Variants in ANKRD35 observed in about 807,000 individuals in gnomAD.
The protein encoded by ANKRD35 is ankyrin repeat domain 35.
Under a neutral mutation model 109.9 loss-of-function variants are expected in ANKRD35, and 102 were observed. The ratio of observed to expected loss-of-function variants is 0.93; its 90% CI spans 0.79 to 1.09. The LOEUF (loss-of-function observed/expected upper bound fraction) is 1.09, where lower values mean the gene tolerates loss of function less well. ANKRD35 is among the 50% of genes least tolerant of loss of function. ANKRD35 has a pLI of 0.00. For missense variants in ANKRD35, 1,240 were observed against 1,230.1 expected (o/e 1.01, Z -0.12); for synonymous variants, 515 against 512.4 (o/e 1.01, Z -0.07).
chr1:145,884,187 A>G (rs1654397948), intron 1 of ANKRD35, among the ~76,000 whole-genome samples: 2 of 152,234 alleles, frequency 1.3e-5, no homozygotes, highest in African/African-American at 4.8e-5. Context: ...TACTTTCAGT[A>G]ACTAAGGAAG....
Position 145,873,139 on chromosome 1 carries a change from C to T in ANKRD35, c.1630G>A (p.Val544Met). ...TTTGCCCATTCCAGCCTTGCCAGCA[C>T]CCGCTCCAGTCGGGCTTCCATCTTC... ...WEKMEARLERVLARLEWAKAG... is the reference protein window; with the variant it reads ...WEKMEARLERMLARLEWAKAG... The change falls in exon 10 of 14, where the codon GTG becomes ATG. Residue 544 changes from valine (V) to methionine (M), a missense_variant. Physicochemically the swap from Val to Met is conservative, Grantham distance 21. Coordinates refer to ENST00000355594, the MANE Select transcript of ANKRD35 (RefSeq NM_144698.5). 1 of 1,614,100 alleles carries T rather than the reference C, an allele frequency of 6.2e-7. No homozygotes were observed. Among genetic ancestry groups the T allele is most frequent in the Non-Finnish European group, 8.5e-7 (1 of 1,180,030 alleles).
chr1:145,872,231 A>G lies in ANKRD35; in HGVS notation c.2538T>C (p.Ala846=). ...EKTRGSLVAQ[A]QAWGQELKAL... Reference sequence around the variant, plus strand: ...CCTTTAGCTCCTGGCCCCAAGCCTGAGCCTGGGCCACCAGCGAACCCCGAG... The same window carrying G: ...CCTTTAGCTCCTGGCCCCAAGCCTGGGCCTGGGCCACCAGCGAACCCCGAG... The change falls in exon 10 of 14, where the codon GCT becomes GCC. Residue 846 remains alanine (A), a synonymous_variant. Coordinates refer to ENST00000355594, the MANE Select transcript of ANKRD35 (RefSeq NM_144698.5). The G allele has an allele frequency of 6.2e-7, 1 of 1,610,938 alleles. No individual in the cohort carries two copies. Among genetic ancestry groups the G allele is most frequent in the Non-Finnish European group, 8.5e-7 (1 of 1,178,704 alleles).
Position 145,875,003 on chromosome 1 carries a change from C to T in ANKRD35, c.564G>A (p.Ser188=), listed in dbSNP as rs782062602. 2.3e-5 allele frequency: 36 copies of T among 1,597,856 alleles called. No homozygotes were observed. The highest frequency in any genetic ancestry group is 1.5e-4 in the South Asian group (13 of 88,648). Residue 188 remains serine (S), a synonymous_variant, in exon 8 of 14, where the codon TCG becomes TCA. Coordinates refer to ENST00000355594, the MANE Select transcript of ANKRD35 (RefSeq NM_144698.5). ...RVNVTDKNDK[S]ALILACEKGS... ...CTTTCTCACAGGCCAGGATCAAAGC[C>T]GATCTGTGGGTTGAGACAAATCTGA...
At position 145,874,008 on chromosome 1, in the gene ANKRD35, A is replaced by G. The variant is rs1553739590; in HGVS notation, c.784-23T>C. The G allele has an allele frequency of 5.0e-6, 8 of 1,612,522 alleles. No homozygotes were observed. In the South Asian group the frequency reaches 8.8e-5, roughly 18 times the overall value. On this transcript the variant is annotated intron_variant, in intron 9 of 13. Coordinates refer to ENST00000355594, the MANE Select transcript of ANKRD35 (RefSeq NM_144698.5). ...GGCCTATGTTGGAAACAGAATAGTA[A>G]AGTGTGGCCACTAGGCAACGAACTG...
chr1:145,878,693 AG>A (rs1390097485), intron 2 of ANKRD35, among the ~76,000 whole-genome samples: 1 of 152,224 alleles, frequency 6.6e-6, no homozygotes, highest in Non-Finnish European at 1.5e-5. Flanking sequence ...TAAGAGCTAC[AG>A]GTCTCAAGGA....
chr1:145,874,718 G>A (rs1269390396), intron 8 of ANKRD35, 104 bp downstream of exon 8: 7 of 1,317,576 alleles, frequency 5.3e-6, no homozygotes, highest in Non-Finnish European at 7.1e-6. Flanking sequence ...TCTCAACCCA[G>A]GTGACAATTA....
chr1:145,876,251 A>G lies in ANKRD35; in HGVS notation c.454-5T>C, dbSNP rs1553740077. 1 of 1,609,314 alleles carries G rather than the reference A, an allele frequency of 6.2e-7. No individual in the cohort carries two copies. The highest frequency in any genetic ancestry group is 2.2e-5 in the East Asian group (1 of 44,726). On this transcript the variant is annotated splice_polypyrimidine_tract_variant and splice_region_variant and intron_variant, in intron 6 of 13. Transcript: ENST00000355594. ...CATCAGGGGTGTACGTCCATCCTGC[A>G]CAGATTGTAGGAAGAGGTTCATGAG...
At position 145,872,239 on chromosome 1, in the gene ANKRD35, C is replaced by G. The variant is rs1190092595; in HGVS notation, c.2530G>C (p.Ala844Pro). The stretch of plus-strand genomic sequence containing the variant: ...TCCTGGCCCCAAGCCTGAGCCTGGG[C>G]CACCAGCGAACCCCGAGTTTTCTCG... ...QHEKTRGSLV[A>P]QAQAWGQELK... Residue 844 changes from alanine (A) to proline (P), a missense_variant, in exon 10 of 14, where the codon GCC becomes CCC. Coordinates refer to ENST00000355594, the MANE Select transcript of ANKRD35 (RefSeq NM_144698.5). The G allele has an allele frequency of 1.9e-6, 3 of 1,610,988 alleles. No homozygotes were observed. The highest frequency in any genetic ancestry group is 2.5e-6 in the Non-Finnish European group (3 of 1,178,748).
intron 10 of ANKRD35, 131 bp from the exon 11 acceptor site, chr1:145,868,531 A>G (rs781978023): frequency 2.8e-6 from 2 of 721,062 alleles, no homozygotes; most frequent in East Asian, 5.4e-5. Flanking sequence ...TTAACACTCA[A>G]AACAGCTTTT....
Position 145,877,234 on chromosome 1 carries a change from T to A in ANKRD35, c.325-361A>T, listed in dbSNP as rs926119657. The stretch of plus-strand genomic sequence containing the variant: ...CCTGATGGCCGGTTAAGATAACTGA[T>A]TTTTTTTTTTTTTTTTGAGACAGAG... On this transcript the variant is annotated intron_variant, in intron 4 of 13. Transcript: ENST00000355594. Among the ~76,000 whole-genome samples the A allele has an allele frequency of 8.0e-3, 796 of 100,048 alleles. 4 individuals are homozygous for A. The highest frequency in any genetic ancestry group is 0.031 in the Middle Eastern group (7 of 228). The allele number at this position is 100,048 out of a possible 152,430, so 65.6% of individuals were successfully genotyped here.
chr1:145,876,466 G>C, intron 6 of ANKRD35, 103 bp downstream of exon 6: 1 of 1,342,906 alleles, frequency 7.4e-7, no homozygotes, highest in East Asian at 2.3e-5. Context: ...AGAGAAGGGT[G>C]GTGCTAACAC....
In ANKRD35 at chr1:145,885,720, C is replaced by T. The variant is rs1469281587; in HGVS notation, c.39G>A (p.Ala13=). Residue 13 remains alanine, a splice_region_variant and synonymous_variant, in exon 1 of 14, where the codon GCG becomes GCA. Coordinates refer to ENST00000355594, the MANE Select transcript of ANKRD35 (RefSeq NM_144698.5). ...RIFSCSSTQV[A]VERWNRHDQK... ...TCCTCCCACACATTTTGGCACCTACCGCCACCTGTGTGCTGGAGCAGGAGA... is the reference window on the plus strand; with the variant it reads ...TCCTCCCACACATTTTGGCACCTACTGCCACCTGTGTGCTGGAGCAGGAGA... 2.5e-6 allele frequency: 4 copies of T among 1,614,012 alleles called. No individual in the cohort carries two copies. The highest frequency in any genetic ancestry group is 3.4e-6 in the Non-Finnish European group (4 of 1,180,018).
At chr1:145,875,972 G>C (rs1362572692) in intron 7 of ANKRD35, among the ~76,000 whole-genome samples, 168 bp downstream of exon 7, 1 of 152,130 alleles carries the variant, frequency 6.6e-6, no homozygotes, top group Non-Finnish European at 1.5e-5. Context: ...GCAGCAGGCA[G>C]AGCTCTTCAG....
Position 145,872,484 on chromosome 1 carries a change from G to C in ANKRD35, c.2285C>G (p.Ser762Cys). The C allele has an allele frequency of 1.3e-6, 2 of 1,596,284 alleles. No homozygotes were observed. Among genetic ancestry groups the C allele is most frequent in the East Asian group, 2.3e-5 (1 of 44,126 alleles). ...GGAGGTGCCTGGCTCCCTACACGGG[G>C]ACAAGGACCCCCGCAACTGCTGGTT... is the stretch of plus-strand genomic sequence containing the variant. ...EENQQLRGSL[S>C]PCREPGTSLK... The change falls in exon 10 of 14, where the codon TCC becomes TGC. Residue 762 changes from serine to cysteine, a missense_variant. By Grantham distance (112) the Ser-to-Cys change is moderately radical. Transcript: ENST00000355594.
At chr1:145,885,571 G>T in intron 1 of ANKRD35, 149 bp downstream of exon 1, 2 of 931,596 alleles carry the variant, frequency 2.1e-6, no homozygotes, top group Admixed American at 2.1e-5. Context: ...CTTGAGGAAG[G>T]CAAAGCTGGC....
chr1:145,877,855 G>T (rs1654138448), intron 4 of ANKRD35, 113 bp downstream of exon 4: 1 of 979,478 alleles, frequency 1.0e-6, no homozygotes, highest in Non-Finnish European at 1.6e-6. Context: ...CCTCCTATTG[G>T]GGATGAGGCG....
rs6699065 is a variant in ANKRD35 at position 145,879,323 on chromosome 1, G to A, written c.105C>T (p.Arg35=). ...ATTTCCTGGAGGCCAGGGCAGCCACGCGTCCCACATCCCCCCTGTGCACTG... is the reference window on the plus strand; with the variant it reads ...ATTTCCTGGAGGCCAGGGCAGCCACACGTCCCACATCCCCCCTGTGCACTG... ...LEAVHRGDVG[R]VAALASRKSA... The change falls in exon 2 of 14, where the codon CGC becomes CGT. Residue 35 remains arginine (R), a synonymous_variant. Coordinates refer to ENST00000355594, the MANE Select transcript of ANKRD35 (RefSeq NM_144698.5). The A allele has an allele frequency of 2.1e-3, 3,438 of 1,610,974 alleles. 62 individuals are homozygous for A. The African/African-American group carries it at 0.039, about 18-fold the overall frequency.
intron 1 of ANKRD35, 36 bp from the exon 2 acceptor site, chr1:145,879,424 A>T (rs782649651): frequency 6.8e-7 from 1 of 1,464,526 alleles, no homozygotes; most frequent in Non-Finnish European, 9.1e-7. Context: ...AATATAGGGC[A>T]TGAGGGTAGT....
chr1:145,879,308 G>A lies in ANKRD35; in HGVS notation c.120C>T (p.Ala40=), dbSNP rs1553740703. The change falls in exon 2 of 14, where the codon GCC becomes GCT. Residue 40 remains alanine (A), a synonymous_variant. Transcript: ENST00000355594. ...TGGTGGGTCGGGCAGATTTCCTGGA[G>A]GCCAGGGCAGCCACGCGTCCCACAT... is the stretch of plus-strand genomic sequence containing the variant. ...RGDVGRVAAL[A]SRKSARPTKL... 3 of 1,611,602 alleles carry A rather than the reference G, an allele frequency of 1.9e-6. No individual in the cohort carries two copies.
Sources: gnomAD v4.1 joint callset for allele counts (sites outside exome capture counted in the v4.1 genomes callset) on GRCh38, gnomAD v4.1.1 for gene constraint, MANE v1.5 for transcripts, NCBI Gene and HGNC (gene_info 2026-07-23, HGNC 2026-07-21) for gene names.